TTC28: variants seen among roughly 807,000 people sequenced by gnomAD.
TTC28 encodes the protein tetratricopeptide repeat protein 28.
TTC28 carries 61 observed loss-of-function variants against 198.0 expected under a neutral mutation model. That is an observed-to-expected ratio of 0.31 (90% CI 0.25 to 0.38). The LOEUF is 0.38. Among genes scored for constraint, TTC28 ranks in the 10% least tolerant of loss-of-function variants. The probability of loss-of-function intolerance (pLI) is 1.00; values close to 1 mark genes in which losing one functional copy is unlikely to be tolerated. For synonymous variants in TTC28, 1,171 were observed against 1,297.8 expected, an observed-to-expected ratio of 0.90 and a Z score of 2.10; for missense variants, 2,678 against 3,164.0, an observed-to-expected ratio of 0.85 and a Z score of 3.69.
intron 5 of TTC28, among the ~76,000 whole-genome samples, chr22:28,266,266 T>C (rs1931678923): frequency 6.6e-6 from 1 of 152,152 alleles, no homozygotes; most frequent in Admixed American, 6.5e-5. Context: ...CTAGTCACTC[T>C]TAGTCCCGTT....
chr22:28,461,806 C>T (rs2047954635), intron 2 of TTC28, among the ~76,000 whole-genome samples: 2 of 152,170 alleles, frequency 1.3e-5, no homozygotes, highest in Admixed American at 6.6e-5. Flanking sequence ...CAAAATAAGG[C>T]CACCTTACTC....
At chr22:28,499,839 G>C (rs2048511739) in intron 2 of TTC28, among the ~76,000 whole-genome samples, 1 of 151,842 alleles carries the variant, frequency 6.6e-6, no homozygotes. Flanking sequence ...CATATTTATG[G>C]GGTACACAGT....
At chr22:28,489,991 C>T (rs576495548) in intron 2 of TTC28, among the ~76,000 whole-genome samples, 13 of 152,032 alleles carry the variant, frequency 8.6e-5, no homozygotes, top group Non-Finnish European at 1.8e-4. Context: ...GTCCGATGTT[C>T]GAGGGCAGGA....
Position 27,979,259 on chromosome 22 carries a change from C to T in TTC28, c.*2962G>A, listed in dbSNP as rs1277470833. 1 of 152,100 alleles carries T rather than the reference C, an allele frequency of 6.6e-6. No individual in the cohort carries two copies. Among genetic ancestry groups the T allele is most frequent in the Admixed American group, 6.5e-5 (1 of 15,274 alleles). The allele number at this position is 152,100 out of a possible 1,614,324, so 9.4% of individuals were successfully genotyped here. On this transcript the variant is annotated 3_prime_UTR_variant, in exon 23 of 23. Transcript: ENST00000397906. ...GTTTGGGAGGCCAAGGCGGGCGGAT[C>T]CCCTGAGGTCAGGAGTTCGAGACCA...
At position 28,258,155 on chromosome 22, in the gene TTC28, G is replaced by T. The variant is rs75631417; in HGVS notation, c.933+38043C>A. ...AATGTCTGTGTATTGGTCCTTCAAA[G>T]AGCTGTGCCTGACTTTTGATGCGTA... On this transcript the variant is annotated intron_variant, in intron 5 of 22. Coordinates refer to ENST00000397906, the MANE Select transcript of TTC28 (RefSeq NM_001145418.2). Among the ~76,000 whole-genome samples the T allele has an allele frequency of 5.3e-5, 8 of 152,234 alleles. No homozygotes were observed. In the East Asian group the frequency reaches 1.5e-3, roughly 29 times the overall value.
At chr22:28,352,312 C>CATATAT (rs35793503) in intron 2 of TTC28, among the ~76,000 whole-genome samples, 252 of 142,760 alleles carry the variant, frequency 1.8e-3, no homozygotes, top group Non-Finnish European at 2.0e-3. Flanking sequence ...GAGATATATA[C>CATATAT]ATATATATAT....
At chr22:28,580,477 A>T (rs1416412592) in intron 2 of TTC28, among the ~76,000 whole-genome samples, 1 of 152,204 alleles carries the variant, frequency 6.6e-6, no homozygotes, top group Non-Finnish European at 1.5e-5. Context: ...ACCTCAGGTG[A>T]TCCACCTGCC....
intron 2 of TTC28, among the ~76,000 whole-genome samples, chr22:28,526,636 A>G (rs1277067725): frequency 6.6e-6 from 1 of 152,226 alleles, no homozygotes; most frequent in Non-Finnish European, 1.5e-5. Flanking sequence ...CCACCCTTCA[A>G]TATCTGCTCT....
At chr22:28,093,517 A>G (rs554266493) in intron 12 of TTC28, among the ~76,000 whole-genome samples, 13 of 152,304 alleles carry the variant, frequency 8.5e-5, no homozygotes, top group Non-Finnish European at 1.3e-4. Flanking sequence ...TATTTTTTTC[A>G]TATGTAAAAT....
chr22:28,635,906 T>C (rs1247229982), intron 1 of TTC28, among the ~76,000 whole-genome samples: 1 of 151,964 alleles, frequency 6.6e-6, no homozygotes, highest in Non-Finnish European at 1.5e-5. Context: ...CTCCAGAACT[T>C]ATTTATCTTA....
At chr22:28,271,413 T>C (rs1351787259) in intron 5 of TTC28, among the ~76,000 whole-genome samples, 1 of 152,224 alleles carries the variant, frequency 6.6e-6, no homozygotes, top group Non-Finnish European at 1.5e-5. Flanking sequence ...TTATTAATTA[T>C]CCTCTCTAGA....
At chr22:28,174,506 C>A (rs986811609) in intron 5 of TTC28, among the ~76,000 whole-genome samples, 4 of 152,172 alleles carry the variant, frequency 2.6e-5, no homozygotes, top group African/African-American at 9.7e-5. Context: ...ACACTGAAGA[C>A]CAGCATATGA....
At chr22:28,020,778 A>AACAT (rs1555903821) in intron 13 of TTC28, among the ~76,000 whole-genome samples, 2 of 148,898 alleles carry the variant, frequency 1.3e-5, no homozygotes, top group Non-Finnish European at 3.0e-5. Flanking sequence ...CCCCTCCCCC[A>AACAT]ACACACACAC....
intron 5 of TTC28, among the ~76,000 whole-genome samples, chr22:28,280,202 C>T (rs1232663281): frequency 6.6e-6 from 1 of 151,914 alleles, no homozygotes; most frequent in African/African-American, 2.4e-5. Context: ...ATGCTCCCAA[C>T]AACAACGTAT....
chr22:28,109,709 G>T (rs778355511), intron 6 of TTC28, among the ~76,000 whole-genome samples: 1 of 152,210 alleles, frequency 6.6e-6, no homozygotes, highest in Non-Finnish European at 1.5e-5. Flanking sequence ...GTCCATCCCA[G>T]TTGGGGCTAG....
At position 28,108,392 on chromosome 22, in the gene TTC28, G is replaced by A; in HGVS notation, c.1453C>T (p.Gln485Ter). 1 of 1,440,614 alleles carries A rather than the reference G, an allele frequency of 6.9e-7. No homozygotes were observed. The allele number at this position is 1,440,614 out of a possible 1,614,324, so 89.2% of individuals were successfully genotyped here. The stretch of plus-strand genomic sequence containing the variant: ...GCAGTGTCATAATCACCTTTCATCT[G>A]GTGTATGATTCCTGAGAAAGAGAAT... Reference protein sequence around the residue: ...RASSNLGIIHQMKGDYDTALK... With the variant: ...RASSNLGIIH Residue 485 changes from glutamine (Q) to a stop codon, truncating the protein, a stop_gained, in exon 7 of 23, where the codon CAG becomes TAG. Coordinates refer to ENST00000397906, the MANE Select transcript of TTC28 (RefSeq NM_001145418.2). LOFTEE classifies it high-confidence loss of function.
chr22:28,513,309 T>C (rs1365460933), intron 2 of TTC28, among the ~76,000 whole-genome samples: 3 of 152,230 alleles, frequency 2.0e-5, no homozygotes, highest in African/African-American at 4.8e-5. Context: ...TAATGTGTCA[T>C]AGTGATAGCT....
At chr22:28,501,364 G>A (rs907024359) in intron 2 of TTC28, among the ~76,000 whole-genome samples, 2 of 152,144 alleles carry the variant, frequency 1.3e-5, no homozygotes, top group East Asian at 3.8e-4. Context: ...GAAAGCAAAT[G>A]AGTGTAAAAG....
chr22:28,521,666 T>C (rs1247883502), intron 2 of TTC28, among the ~76,000 whole-genome samples: 1 of 152,054 alleles, frequency 6.6e-6, no homozygotes, highest in East Asian at 1.9e-4. Context: ...TTGGGGATAG[T>C]AAGACAAAAT....
Sources: gnomAD v4.1 joint callset for allele counts (sites outside exome capture counted in the v4.1 genomes callset) on GRCh38, gnomAD v4.1.1 for gene constraint, MANE v1.5 for transcripts, NCBI Gene and HGNC (gene_info 2026-07-23, HGNC 2026-07-21) for gene names.